The following SOX5 variants were observed in gnomAD, a reference collection of about 807,000 sequenced individuals.
SOX5 encodes transcription factor SOX-5.
Under a neutral mutation model 92.0 loss-of-function variants are expected in SOX5, and 9 were observed. The observed-to-expected ratio is 0.10, with a 90% CI of 0.06 to 0.17. The LOEUF (loss-of-function observed/expected upper bound fraction) is 0.17, where lower values mean the gene tolerates loss of function less well. Ranked by LOEUF, SOX5 falls within the 10% of genes least tolerant of loss-of-function variation. The pLI is 1.00. For missense variants in SOX5, 642 were observed against 944.5 expected (o/e 0.68, Z 4.20); for synonymous variants, 344 against 336.3 (o/e 1.02, Z -0.25).
At chr12:23,888,273 A>G (rs942871211) in intron 2 of SOX5, among the ~76,000 whole-genome samples, 1 of 152,172 alleles carries the variant, frequency 6.6e-6, no homozygotes, top group Non-Finnish European at 1.5e-5. Context: ...AAATCTTTTC[A>G]GGCTAACACA....
At chr12:23,804,776 C>T (rs2095728617) in intron 3 of SOX5, among the ~76,000 whole-genome samples, 1 of 151,560 alleles carries the variant, frequency 6.6e-6, no homozygotes, top group African/African-American at 2.4e-5. Flanking sequence ...AATTTGAATA[C>T]CGTTTTCTCC....
intron 4 of SOX5, among the ~76,000 whole-genome samples, chr12:24,158,473 T>C (rs955032560): frequency 4.6e-5 from 7 of 151,982 alleles, no homozygotes; most frequent in Non-Finnish European, 1.0e-4. Context: ...AATTCATCAA[T>C]ACATATTTGT....
chr12:24,054,851 T>C (rs1238411368), intron 4 of SOX5, among the ~76,000 whole-genome samples: 1 of 152,180 alleles, frequency 6.6e-6, no homozygotes, highest in Non-Finnish European at 1.5e-5. Context: ...ATAACCTTGT[T>C]TAAAAGTATC....
intron 4 of SOX5, among the ~76,000 whole-genome samples, chr12:24,111,927 T>C (rs545551305): frequency 7.0e-4 from 107 of 152,336 alleles, no homozygotes; most frequent in African/African-American, 2.4e-3. Flanking sequence ...GAATCTCTAT[T>C]CCATCTAGTT....
intron 6 of SOX5, among the ~76,000 whole-genome samples, chr12:23,718,165 A>G (rs2092617434): frequency 6.6e-6 from 1 of 152,204 alleles, no homozygotes. Flanking sequence ...AATAGAAAAG[A>G]ACATCAAAGT....
chr12:23,764,036 C>G (rs1354069828), intron 3 of SOX5, among the ~76,000 whole-genome samples: 1 of 151,948 alleles, frequency 6.6e-6, no homozygotes, highest in Admixed American at 6.6e-5. Flanking sequence ...AGATGTGAAT[C>G]AAATTCTAGC....
intron 2 of SOX5, among the ~76,000 whole-genome samples, chr12:24,325,104 T>C (rs556376119): frequency 6.6e-5 from 10 of 151,660 alleles, no homozygotes; most frequent in Admixed American, 5.3e-4. Context: ...CTTAGAAAAA[T>C]TACTTAATCT....
chr12:24,476,710 A>G (rs1945421590), intron 1 of SOX5, among the ~76,000 whole-genome samples: 1 of 152,004 alleles, frequency 6.6e-6, no homozygotes, highest in South Asian at 2.1e-4. Context: ...ACCCCATTAG[A>G]GTGGGAGTTC....
chr12:23,542,176 AT>A, intron 13 of SOX5, among the ~76,000 whole-genome samples: 1 of 152,214 alleles, frequency 6.6e-6, no homozygotes, highest in East Asian at 1.9e-4. Flanking sequence ...AAGTGATACT[AT>A]TTTTATAAAC....
chr12:24,212,465 A>C (rs1329510944), intron 4 of SOX5: 1 of 534,066 alleles, frequency 1.9e-6, no homozygotes, highest in Non-Finnish European at 3.8e-6. Context: ...GCTAAGACAC[A>C]CTCCAGGGGA....
At chr12:24,251,994 C>T (rs1314543947) in intron 3 of SOX5, among the ~76,000 whole-genome samples, 2 of 150,812 alleles carry the variant, frequency 1.3e-5, no homozygotes, top group East Asian at 1.9e-4. Context: ...TGCAGATTTT[C>T]GTTAAATTTG....
chr12:24,212,580 T>G (rs1465275275), intron 4 of SOX5: 2 of 484,052 alleles, frequency 4.1e-6, no homozygotes, highest in Non-Finnish European at 8.3e-6. Context: ...TAGTGAGAGT[T>G]GTGAGCATTG....
chr12:24,337,293 A>T (rs182324027), intron 2 of SOX5, among the ~76,000 whole-genome samples: 76 of 152,124 alleles, frequency 5.0e-4, no homozygotes, highest in Non-Finnish European at 8.7e-4. Flanking sequence ...TGTATCATTA[A>T]CATCATAATC....
chr12:23,581,972 T>G (rs1436888693), intron 9 of SOX5, among the ~76,000 whole-genome samples: 1 of 152,094 alleles, frequency 6.6e-6, no homozygotes, highest in Non-Finnish European at 1.5e-5. Context: ...GTCCCCATGT[T>G]TATCATAAAT....
intron 1 of SOX5, among the ~76,000 whole-genome samples, chr12:23,934,847 G>A (rs1942213433): frequency 6.6e-6 from 1 of 151,232 alleles, no homozygotes; most frequent in Admixed American, 6.6e-5. Flanking sequence ...ATTAAGGCAT[G>A]CAGAGTTTAT....
At chr12:24,043,287 C>G (rs752700833) in intron 4 of SOX5, among the ~76,000 whole-genome samples, 10 of 152,146 alleles carry the variant, frequency 6.6e-5, no homozygotes, top group Admixed American at 3.3e-4. Flanking sequence ...AAGCAAGAGA[C>G]TAACTGGTAT....
chr12:23,865,693 T>C (rs545760255), intron 2 of SOX5, among the ~76,000 whole-genome samples: 1 of 151,880 alleles, frequency 6.6e-6, no homozygotes, highest in East Asian at 1.9e-4. Context: ...CGAAAAAAAA[T>C]ACATTTTGTA....
intron 8 of SOX5, among the ~76,000 whole-genome samples, chr12:23,631,069 G>A (rs2078470789): frequency 6.6e-6 from 1 of 151,894 alleles, no homozygotes; most frequent in African/African-American, 2.4e-5. Flanking sequence ...CCAGTAGCAT[G>A]CTTTGACTAA....
At chr12:24,465,551 G>T (rs1004936900) in intron 1 of SOX5, among the ~76,000 whole-genome samples, 1 of 152,146 alleles carries the variant, frequency 6.6e-6, no homozygotes, top group Non-Finnish European at 1.5e-5. Context: ...GAAGTCAGAG[G>T]GGGAGTGGTC....
Sources: allele counts gnomAD v4.1 joint callset (sites outside exome capture counted in the v4.1 genomes callset), GRCh38; gene constraint gnomAD v4.1.1; transcripts MANE v1.5; gene names NCBI Gene and HGNC (gene_info 2026-07-23, HGNC 2026-07-21).